The following WDR81 variants were observed in gnomAD, a reference collection of about 807,000 sequenced individuals.
The protein encoded by WDR81 is WD repeat domain 81.
A neutral mutation model predicts 140.8 loss-of-function variants in WDR81; 92 were observed. The ratio of observed to expected loss-of-function variants is 0.65; its 90% confidence interval spans 0.55 to 0.78. The LOEUF is 0.78. Among genes scored for constraint, WDR81 ranks in the 30% least tolerant of loss-of-function variants. The pLI is 0.00. For synonymous variants in WDR81, 1,183 were observed against 1,156.4 expected (o/e 1.02, Z -0.47); for missense variants, 2,502 against 2,636.4 (o/e 0.95, Z 1.12).
chr17:1,717,463 C>G (rs1312104055), intron 1 of WDR81, among the ~76,000 whole-genome samples: 1 of 152,180 alleles, frequency 6.6e-6, no homozygotes, highest in Non-Finnish European at 1.5e-5. Flanking sequence ...AGGGTGAGAT[C>G]CTTCCTTCTG....
intron 6 of WDR81, 79 bp from the exon 7 acceptor site, chr17:1,733,448 T>C: frequency 1.4e-6 from 2 of 1,413,166 alleles, no homozygotes; most frequent in Non-Finnish European, 1.9e-6. Context: ...CCATCTTCTG[T>C]GGCTCCCGAG....
At chr17:1,733,413 C>T in intron 6 of WDR81, 114 bp from the exon 7 acceptor site, 1 of 1,065,346 alleles carries the variant, frequency 9.4e-7, no homozygotes, top group South Asian at 1.7e-5. Context: ...GTTACTTGCC[C>T]AGAGTTGCAG....
At position 1,737,498 on chromosome 17, in the gene WDR81, G is replaced by T. The variant is rs1194621190; in HGVS notation, c.5639G>T (p.Ser1880Ile). 1 of 1,613,074 alleles carries T rather than the reference G, an allele frequency of 6.2e-7. No individual in the cohort carries two copies. The highest frequency in any genetic ancestry group is 1.3e-5 in the African/African-American group (1 of 74,930). The change falls in exon 10 of 10, where the codon AGC becomes ATC. Residue 1880 changes from serine (S) to isoleucine (I), a missense_variant. Physicochemically the swap from Ser to Ile is moderately radical, Grantham distance 142 (BLOSUM62 -2). Around this residue, in one of 3 missense-constraint regions of WDR81, gnomAD observed 1,737 missense variants for 1,843.0 expected, o/e 0.94. Coordinates refer to ENST00000409644, the MANE Select transcript of WDR81 (RefSeq NM_001163809.2). ...DPIHTFDLYG[S>I]EVVTGTVSNK... ...ATCCACACCTTTGACCTGTACGGCA[G>T]CGAGGTGGTCACTGGCACCGTGTCC...
Position 1,733,549 on chromosome 17 carries a change from C to A in WDR81, c.4512C>A (p.Ile1504=). 1 of 1,518,334 alleles carries A rather than the reference C, an allele frequency of 6.6e-7. No individual in the cohort carries two copies. Among genetic ancestry groups the A allele is most frequent in the East Asian group, 2.3e-5 (1 of 43,942 alleles). The allele number at this position is 1,518,334 out of a possible 1,614,324, so 94.1% of individuals were successfully genotyped here. The change falls in exon 7 of 10, where the codon ATC becomes ATA. Residue 1504 remains isoleucine (I), a synonymous_variant. Coordinates refer to ENST00000409644, the MANE Select transcript of WDR81 (RefSeq NM_001163809.2). ...CLLGDIIRKI[I]PNHELVGELA... is the part of the protein sequence containing the mutation. ...CAGGTGACATCATCCGGAAAATCAT[C>A]CCCAACCACGAGCTGGTTGGGGAGC...
rs1201539947 is a variant in WDR81, at chr17:1,733,915, C to T, written c.4878C>T (p.Gly1626=). The change falls in exon 7 of 10, where the codon GGC becomes GGT. Residue 1626 remains glycine, a synonymous_variant. Transcript: ENST00000409644. ...TGGCGTACTGGCAGTACGAGATCGG[C>T]GTGAGCCAGCAGGATGCCCACTTTC... The part of the protein sequence containing the change: ...NWLAYWQYEI[G]VSQQDAHFHF... 5.0e-6 allele frequency: 8 copies of T among 1,612,772 alleles called. No individual in the cohort carries two copies. Among genetic ancestry groups the T allele is most frequent in the Non-Finnish European group, 6.8e-6 (8 of 1,179,954 alleles).
At position 1,733,955 on chromosome 17, in the gene WDR81, C is replaced by T. The variant is rs750191677; in HGVS notation, c.4918C>T (p.Arg1640Cys). 64 of 1,612,764 alleles carry T rather than the reference C, an allele frequency of 4.0e-5. 1 individual carries two copies. The highest frequency in any genetic ancestry group is 1.8e-4 in the South Asian group (16 of 91,092). ...QDAHFHFHQI[R>C]LQSFPGHSGA... is the part of the protein sequence containing the mutation. ...TGCCCACTTTCACTTCCACCAGATC[C>T]GCCTGCAGAGCTTCCCGGGCCACTC... The change falls in exon 7 of 10, where the codon CGC (arginine) becomes TGC (cysteine). Residue 1640 changes from arginine (R) to cysteine (C), a missense_variant. By Grantham distance (180) the Arg-to-Cys change is radical. Around this residue, in one of 3 missense-constraint regions of WDR81, gnomAD observed 1,737 missense variants for 1,843.0 expected, o/e 0.94. Coordinates refer to ENST00000409644, the MANE Select transcript of WDR81 (RefSeq NM_001163809.2).
At position 1,731,255 on chromosome 17, in the gene WDR81, C is replaced by G. The variant is rs375460864; in HGVS notation, c.4154C>G (p.Thr1385Arg). Residue 1385 changes from threonine (T) to arginine (R), a missense_variant, in exon 4 of 10, where the codon ACG becomes AGG. By Grantham distance (71) the Thr-to-Arg change is moderately conservative. Transcript: ENST00000409644. ...PVLSFLTSLV[T>R]GFPSGAQART... is the part of the protein sequence containing the mutation. ...CTCAGCTTCCTCACCTCCCTCGTCA[C>G]GGGGTAGGCCTCTGCCCCAGCTGAT... 6.2e-7 allele frequency: 1 copy of G among 1,612,688 alleles called. No homozygotes were observed. Among genetic ancestry groups the G allele is most frequent in the African/African-American group, 1.3e-5 (1 of 74,912 alleles).
chr17:1,733,743 A>C lies in WDR81; in HGVS notation c.4706A>C (p.Gln1569Pro). Residue 1569 changes from glutamine (Q) to proline (P), a missense_variant, in exon 7 of 10, where the codon CAG (glutamine) becomes CCG (proline). By Grantham distance (76) the Gln-to-Pro change is moderately conservative. Around this residue, in one of 3 missense-constraint regions of WDR81, gnomAD observed 1,737 missense variants for 1,843.0 expected, o/e 0.94. Coordinates refer to ENST00000409644, the MANE Select transcript of WDR81 (RefSeq NM_001163809.2). ...AGCGTCCTGGTGGGGAACCGCATTCAGATCCCCAATGACTCTCGGCCTGAG... is the reference window on the plus strand; with the variant it reads ...AGCGTCCTGGTGGGGAACCGCATTCCGATCCCCAATGACTCTCGGCCTGAG... ...FGSVLVGNRIQIPNDSRPENP... is the reference protein window; with the variant it reads ...FGSVLVGNRIPIPNDSRPENP... 3.1e-6 allele frequency: 5 copies of C among 1,612,552 alleles called. No individual in the cohort carries two copies. The highest frequency in any genetic ancestry group is 4.2e-6 in the Non-Finnish European group (5 of 1,179,820).
intron 1 of WDR81, among the ~76,000 whole-genome samples, chr17:1,729,050 C>T (rs1034044932): frequency 2.6e-5 from 4 of 152,200 alleles, no homozygotes; most frequent in Admixed American, 1.3e-4. Context: ...CCAGGACCAC[C>T]GGCAACACAA....
chr17:1,730,867 C>T lies in WDR81; in HGVS notation c.3888C>T (p.Leu1296=), dbSNP rs145262105. The T allele has an allele frequency of 1.4e-5, 22 of 1,612,846 alleles. No individual in the cohort carries two copies. Among genetic ancestry groups the T allele is most frequent in the South Asian group, 2.2e-5 (2 of 91,094 alleles). Residue 1296 remains leucine, a synonymous_variant, in exon 3 of 10, where the codon CTC becomes CTT. Coordinates refer to ENST00000409644, the MANE Select transcript of WDR81 (RefSeq NM_001163809.2). ...GCGACATCGTGTCAGGGCCTGTGCTCAGCTGCCTCCTCCACATCGCCCGCC... is the reference window on the plus strand; with the variant it reads ...GCGACATCGTGTCAGGGCCTGTGCTTAGCTGCCTCCTCCACATCGCCCGCC... ...VLGDIVSGPV[L]SCLLHIARLY... is the part of the protein sequence containing the mutation.
Position 1,724,890 on chromosome 17 carries a change from C to T in WDR81, c.-70C>T, listed in dbSNP as rs1393125313. On this transcript the variant is annotated 5_prime_UTR_variant, in exon 1 of 10. Coordinates refer to ENST00000409644, the MANE Select transcript of WDR81 (RefSeq NM_001163809.2). ...CATCCCAGCCCCGCCGGCCTGGCACCCCGGAAGCCGTCGCCAGCAGGGCCG... is the reference window on the plus strand; with the variant it reads ...CATCCCAGCCCCGCCGGCCTGGCACTCCGGAAGCCGTCGCCAGCAGGGCCG... 3 of 1,283,888 alleles carry T rather than the reference C, an allele frequency of 2.3e-6. No individual in the cohort carries two copies. Among genetic ancestry groups the T allele is most frequent in the Non-Finnish European group, 2.0e-6 (2 of 1,018,156 alleles). The allele number at this position is 1,283,888 out of a possible 1,614,324, so 79.5% of individuals were successfully genotyped here.
chr17:1,727,036 T>C lies in WDR81; in HGVS notation c.2077T>C (p.Ser693Pro). ...SQASPGLLSF[S>P]VASASRPGRR... ...AGCGTCCCCTGGACTTCTCTCTTTC[T>C]CAGTGGCCTCAGCCTCCCGTCCAGG... The change falls in exon 1 of 10, where the codon TCA (serine) becomes CCA (proline). Residue 693 changes from serine to proline, a missense_variant. Coordinates refer to ENST00000409644, the MANE Select transcript of WDR81 (RefSeq NM_001163809.2). The C allele has an allele frequency of 6.5e-7, 1 of 1,550,318 alleles. No individual in the cohort carries two copies.
rs777075079 is a variant in WDR81 at position 1,728,086 on chromosome 17, T to G, written c.3127T>G (p.Ser1043Ala). Residue 1043 changes from serine (S) to alanine (A), a missense_variant, in exon 1 of 10, where the codon TCC becomes GCC. By Grantham distance (99) the Ser-to-Ala change is moderately conservative (BLOSUM62 1). Around this residue, in one of 3 missense-constraint regions of WDR81, gnomAD observed 1,737 missense variants for 1,843.0 expected, o/e 0.94. Transcript: ENST00000409644. Reference protein sequence around the residue: ...ESGLPGAGPGSCAFGEEIPMD... With the variant: ...ESGLPGAGPGACAFGEEIPMD... ...CGGGCTGCCCGGGGCCGGGCCTGGCTCCTGTGCTTTTGGGGAGGAGATTCC... is the reference window on the plus strand; with the variant it reads ...CGGGCTGCCCGGGGCCGGGCCTGGCGCCTGTGCTTTTGGGGAGGAGATTCC... 3 of 1,597,392 alleles carry G rather than the reference T, an allele frequency of 1.9e-6. No individual in the cohort carries two copies. In the South Asian group the frequency reaches 3.4e-5, roughly 18 times the overall value.
At chr17:1,720,144 G>A (rs1009306553), upstream of WDR81, among the ~76,000 whole-genome samples, 48 of 152,116 alleles carry the variant, frequency 3.2e-4, no homozygotes, top group Non-Finnish European at 8.8e-5. Context: ...TCTCCCTGCC[G>A]GATTAGCAAG....
chr17:1,737,004 C>T (rs1904925199), intron 9 of WDR81, among the ~76,000 whole-genome samples: 1 of 152,176 alleles, frequency 6.6e-6, no homozygotes, highest in Non-Finnish European at 1.5e-5. Flanking sequence ...TGCTTGCTGG[C>T]CCCATGACCT....
Position 1,727,877 on chromosome 17 carries a change from C to T in WDR81, c.2918C>T (p.Pro973Leu). The stretch of plus-strand genomic sequence containing the variant: ...CCGCTCATTGGTGCCTACGAGAGCC[C>T]CTGCCAGCTACACGGCCGCTTCTAC... The part of the protein sequence containing the change: ...LKPLIGAYES[P>L]CQLHGRFYLY... The change falls in exon 1 of 10, where the codon CCC becomes CTC. Residue 973 changes from proline (P) to leucine (L), a missense_variant. Physicochemically the swap from Pro to Leu is moderately conservative, Grantham distance 98 (BLOSUM62 -3). Around this residue, in one of 3 missense-constraint regions of WDR81, gnomAD observed 1,737 missense variants for 1,843.0 expected, o/e 0.94. Coordinates refer to ENST00000409644, the MANE Select transcript of WDR81 (RefSeq NM_001163809.2). 1.9e-6 allele frequency: 3 copies of T among 1,550,740 alleles called. No homozygotes were observed. The highest frequency in any genetic ancestry group is 1.2e-5 in the South Asian group (1 of 84,066).
At chr17:1,731,461 G>A (rs1904343509) in intron 4 of WDR81, among the ~76,000 whole-genome samples, 1 of 152,182 alleles carries the variant, frequency 6.6e-6, no homozygotes, top group South Asian at 2.1e-4. Flanking sequence ...AGTTGGTCTT[G>A]GAGCTCTTTC....
rs1198379349 is a variant in WDR81, at chr17:1,726,505, G to A, written c.1546G>A (p.Ala516Thr). 2 of 1,550,462 alleles carry A rather than the reference G, an allele frequency of 1.3e-6. No homozygotes were observed. Among genetic ancestry groups the A allele is most frequent in the South Asian group, 1.2e-5 (1 of 84,060 alleles). The change falls in exon 1 of 10, where the codon GCC becomes ACC. Residue 516 changes from alanine to threonine, a missense_variant. This residue lies in a region of WDR81 where 218 missense variants were observed against 279.6 expected (regional missense o/e 0.78). Coordinates refer to ENST00000409644, the MANE Select transcript of WDR81 (RefSeq NM_001163809.2). ...HPDMPDLDVP[A>T]WCSSSQEFVA... Reference sequence around the variant, plus strand: ...CGACATGCCTGACCTGGATGTGCCAGCCTGGTGCAGCTCCAGCCAGGAGTT... The same window carrying A: ...CGACATGCCTGACCTGGATGTGCCAACCTGGTGCAGCTCCAGCCAGGAGTT...
intron 9 of WDR81, among the ~76,000 whole-genome samples, chr17:1,736,833 T>C (rs1026445557): frequency 3.3e-5 from 5 of 152,184 alleles, no homozygotes; most frequent in African/African-American, 9.6e-5. Context: ...CCAGCTTGGC[T>C]GGAGGCCAGG....
Sources: allele counts gnomAD v4.1 joint callset (sites outside exome capture counted in the v4.1 genomes callset), GRCh38; gene constraint gnomAD v4.1.1; regional missense constraint gnomAD v4.1.1; transcripts MANE v1.5; gene names NCBI Gene and HGNC (gene_info 2026-07-23, HGNC 2026-07-21).